GASK1A: variants seen among roughly 807,000 people sequenced by gnomAD.
GASK1A encodes Golgi-associated kinase 1A.
GASK1A carries 40 observed loss-of-function variants against 41.2 expected under a neutral mutation model. The observed-to-expected ratio is 0.97, with a 90% CI of 0.75 to 1.27. The LOEUF is 1.27. GASK1A is among the 50% of genes most tolerant of loss of function. GASK1A has a pLI of 0.00. For missense variants in GASK1A, 678 were observed against 745.1 expected, an observed-to-expected ratio of 0.91 and a Z score of 1.05; for synonymous variants, 316 against 307.1, an observed-to-expected ratio of 1.03 and a Z score of -0.30.
intron 3 of GASK1A, chr3:43,053,886 C>A: frequency 1.7e-6 from 1 of 590,782 alleles, no homozygotes; most frequent in South Asian, 1.7e-5. Flanking sequence ...GCCTTGTTTT[C>A]ACTGTCTCCA....
intron 2 of GASK1A, among the ~76,000 whole-genome samples, chr3:43,045,672 A>G (rs937685675): frequency 6.6e-6 from 1 of 152,168 alleles, no homozygotes; most frequent in Non-Finnish European, 1.5e-5. Flanking sequence ...AGGCTCATAT[A>G]TGGGTGGTGA....
rs985378933 is a variant in GASK1A at position 43,035,242 on chromosome 3, C to T, written c.1290+1689C>T. Among the ~76,000 whole-genome samples, 8 of 152,316 alleles carry T rather than the reference C, an allele frequency of 5.3e-5. No homozygotes were observed. In the East Asian group the frequency reaches 1.5e-3, roughly 29 times the overall value. On this transcript the variant is annotated intron_variant, in intron 2 of 4. Transcript: ENST00000430121. ...CCTGACCATTTAGTACATGGTAGCT[C>T]CTGGCTGCTGGCACCTGCATCTGCA...
At chr3:43,004,699 C>A (rs1383616743) in intron 1 of GASK1A, among the ~76,000 whole-genome samples, 2 of 152,208 alleles carry the variant, frequency 1.3e-5, no homozygotes, top group African/African-American at 4.8e-5. Context: ...ACATTATTCT[C>A]ATCCATCCAT....
At chr3:43,003,099 C>T (rs2125677402) in intron 1 of GASK1A, among the ~76,000 whole-genome samples, 1 of 152,316 alleles carries the variant, frequency 6.6e-6, no homozygotes, top group East Asian at 1.9e-4. Context: ...CTGACTTACA[C>T]AGGAAAATAG....
Position 43,013,331 on chromosome 3 carries a change from A to G in GASK1A, c.4-18936A>G, listed in dbSNP as rs1224017875. 4.0e-5 allele frequency among the ~76,000 whole-genome samples: 6 copies of G among 151,494 alleles called. No homozygotes were observed. The East Asian group carries it at 1.2e-3, about 30-fold the overall frequency. Reference sequence around the variant, plus strand: ...CCACAGGAAGGGGCAGTGAGAAGTCACAGAGGCAGTGTGAAGTCAAAGGAA... The same window carrying G: ...CCACAGGAAGGGGCAGTGAGAAGTCGCAGAGGCAGTGTGAAGTCAAAGGAA... On this transcript the variant is annotated intron_variant, in intron 1 of 4. Coordinates refer to ENST00000430121, the MANE Select transcript of GASK1A (RefSeq NM_001129908.3).
chr3:43,049,907 T>A (rs1295781262), intron 2 of GASK1A, among the ~76,000 whole-genome samples: 1 of 148,042 alleles, frequency 6.8e-6, no homozygotes, highest in Non-Finnish European at 1.5e-5. Flanking sequence ...AAAGACTTTC[T>A]TTCTATATAA....
chr3:43,032,638 A>G lies in GASK1A; in HGVS notation c.375A>G (p.Ser125=). The G allele has an allele frequency of 6.4e-7, 1 of 1,551,720 alleles. No homozygotes were observed. Among genetic ancestry groups the G allele is most frequent in the Non-Finnish European group, 8.7e-7 (1 of 1,146,982 alleles). ...PGRVRRDITL[S]GHPRLSTQHV... The stretch of plus-strand genomic sequence containing the variant: ...GGGTGAGGAGGGACATTACTTTGTC[A>G]GGACATCCAAGACTCAGTACTCAGC... Residue 125 remains serine, a synonymous_variant, in exon 2 of 5, where the codon TCA becomes TCG. Transcript: ENST00000430121.
chr3:42,997,542 C>T (rs999806147), intron 1 of GASK1A, among the ~76,000 whole-genome samples: 1 of 152,126 alleles, frequency 6.6e-6, no homozygotes, highest in Admixed American at 6.5e-5. Context: ...GGGGCCTCTC[C>T]TCCATGGGCT....
At chr3:42,987,173 G>A (rs2089316082) in intron 1 of GASK1A, among the ~76,000 whole-genome samples, 3 of 152,248 alleles carry the variant, frequency 2.0e-5, no homozygotes, top group African/African-American at 4.8e-5. Flanking sequence ...AAAGGGGCAC[G>A]AGAGCCTTTA....
intron 1 of GASK1A, among the ~76,000 whole-genome samples, chr3:42,986,636 C>G (rs2089312338): frequency 6.6e-6 from 1 of 152,062 alleles, no homozygotes; most frequent in South Asian, 2.1e-4. Context: ...GGGCCAGGGC[C>G]TGGCTCTTGG....
intron 2 of GASK1A, among the ~76,000 whole-genome samples, chr3:43,034,507 A>G (rs1331542398): frequency 6.6e-6 from 1 of 152,226 alleles, no homozygotes; most frequent in Admixed American, 6.5e-5. Flanking sequence ...CCAGACAGAA[A>G]CAAAGACAAA....
chr3:43,049,931 C>CA (rs1553616433), intron 2 of GASK1A, among the ~76,000 whole-genome samples: 5 of 151,228 alleles, frequency 3.3e-5, no homozygotes, highest in South Asian at 2.1e-4. Context: ...TCTCCCCCCC[C>CA]ACTTTTATGC....
intron 3 of GASK1A, among the ~76,000 whole-genome samples, chr3:43,055,175 ACCATTTCTGTAAAATAG>A (rs1287120361): frequency 1.3e-5 from 2 of 152,192 alleles, no homozygotes; most frequent in Non-Finnish European, 2.9e-5. Flanking sequence ...AGAAGGTGCC[ACCATTTCTGTAAAATAG>A]GGCTAACACT....
chr3:43,055,719 G>A (rs1054930040), intron 4 of GASK1A, 184 bp downstream of exon 4: 1 of 582,324 alleles, frequency 1.7e-6, no homozygotes, highest in Admixed American at 2.9e-5. Flanking sequence ...CAGTTGGCAG[G>A]GCCTACCCCA....
At chr3:43,045,363 T>C (rs2089657016) in intron 2 of GASK1A, among the ~76,000 whole-genome samples, 1 of 152,170 alleles carries the variant, frequency 6.6e-6, no homozygotes, top group African/African-American at 2.4e-5. Context: ...CCCTGGACCC[T>C]GGACATCTTC....
intron 1 of GASK1A, among the ~76,000 whole-genome samples, chr3:42,995,520 C>A (rs1470104016): frequency 6.6e-6 from 1 of 152,222 alleles, no homozygotes; most frequent in Non-Finnish European, 1.5e-5. Flanking sequence ...AACACATCTG[C>A]AGGCCAGATT....
chr3:43,011,264 C>G lies in GASK1A; in HGVS notation c.4-21003C>G, dbSNP rs150240473. On this transcript the variant is annotated intron_variant, in intron 1 of 4. Transcript: ENST00000430121. ...GGGTGTGGTGGCGTGCGCCTGTAGT[C>G]CCAGCTACTTGAGAGGCTGAGGCAG... 8.7e-3 allele frequency among the ~76,000 whole-genome samples: 1,325 copies of G among 151,994 alleles called. 17 individuals are homozygous for G. The highest frequency in any genetic ancestry group is 0.03 in the African/African-American group (1,259 of 41,450).
intron 1 of GASK1A, among the ~76,000 whole-genome samples, chr3:42,987,451 G>A (rs1463478483): frequency 6.6e-6 from 1 of 151,628 alleles, no homozygotes; most frequent in Non-Finnish European, 1.5e-5. Flanking sequence ...AAAAAAAGGA[G>A]AAAAAAGTGG....
At chr3:42,988,974 C>T (rs2089327065) in intron 1 of GASK1A, among the ~76,000 whole-genome samples, 1 of 152,352 alleles carries the variant, frequency 6.6e-6, no homozygotes, top group African/African-American at 2.4e-5. Context: ...TCAAGATATT[C>T]TGGCAAGGAT....
Sources: gnomAD v4.1 joint callset for allele counts (sites outside exome capture counted in the v4.1 genomes callset) on GRCh38, gnomAD v4.1.1 for gene constraint, MANE v1.5 for transcripts, NCBI Gene and HGNC (gene_info 2026-07-23, HGNC 2026-07-21) for gene names.